The following PKP2 variants were observed in gnomAD, a reference collection of about 807,000 sequenced individuals.
PKP2 encodes the protein plakophilin-2.
Under a neutral mutation model 83.4 loss-of-function variants are expected in PKP2, and 73 were observed. The ratio of observed to expected loss-of-function variants is 0.88; its 90% CI spans 0.72 to 1.06. PKP2 has a LOEUF of 1.06. Among genes scored for constraint, PKP2 ranks in the 50% least tolerant of loss-of-function variants. The pLI, the probability that PKP2 is intolerant of heterozygous loss-of-function variation, is 0.00. For synonymous variants in PKP2, 409 were observed against 430.4 expected (o/e 0.95, Z 0.62); for missense variants, 966 against 1,065.4 (o/e 0.91, Z 1.30).
chr12:32,822,336 T>C, intron 8 of PKP2, 131 bp downstream of exon 8: 1 of 768,930 alleles, frequency 1.3e-6, no homozygotes, highest in Non-Finnish European at 2.2e-6. Context: ...CTTCAAAAGG[T>C]TGATGTAAGA....
chr12:32,877,359 A>C (rs906529991), intron 3 of PKP2, among the ~76,000 whole-genome samples: 2 of 152,232 alleles, frequency 1.3e-5, no homozygotes, highest in Non-Finnish European at 2.9e-5. Context: ...TAGAAATCTA[A>C]AAGGTACCAA....
intron 4 of PKP2, among the ~76,000 whole-genome samples, chr12:32,862,158 A>AT (rs1956805195): frequency 6.6e-6 from 1 of 152,092 alleles, no homozygotes; most frequent in Non-Finnish European, 1.5e-5. Flanking sequence ...CAGTCCTCCA[A>AT]AGGGCTGGGA....
intron 1 of PKP2, among the ~76,000 whole-genome samples, chr12:32,884,728 A>T (rs1434194994): frequency 2.0e-5 from 3 of 151,968 alleles, no homozygotes; most frequent in African/African-American, 7.2e-5. Flanking sequence ...GAATTAGTCT[A>T]TTCTAATAAC....
intron 4 of PKP2, among the ~76,000 whole-genome samples, chr12:32,867,489 C>T (rs1466051947): frequency 6.6e-6 from 1 of 152,032 alleles, no homozygotes; most frequent in Non-Finnish European, 1.5e-5. Flanking sequence ...TCAAACCTGT[C>T]AAAACTATGT....
chr12:32,877,264 T>C (rs879799115), intron 3 of PKP2, among the ~76,000 whole-genome samples: 6 of 151,988 alleles, frequency 3.9e-5, no homozygotes, highest in Admixed American at 3.9e-4. Context: ...ATAAAGTAAA[T>C]AGGAATGGAA....
chr12:32,841,330 G>A lies in PKP2; in HGVS notation c.1379-125C>T, dbSNP rs546566310. 18 of 740,856 alleles carry A rather than the reference G, an allele frequency of 2.4e-5. No individual in the cohort carries two copies. In the East Asian group the frequency reaches 4.2e-4, roughly 17 times the overall value. The allele number at this position is 740,856 out of a possible 1,614,324, so 45.9% of individuals were successfully genotyped here. On this transcript the variant is annotated intron_variant, in intron 5 of 12. Coordinates refer to ENST00000340811, the MANE Select transcript of PKP2 (RefSeq NM_001005242.3). ...TCATAAAAAAATTTGGGGGGTTGGG[G>A]GGCCAGCCTCTTTCTCAACTAGAAG...
At chr12:32,833,775 A>G (rs1247587909) in intron 6 of PKP2, among the ~76,000 whole-genome samples, 1 of 152,210 alleles carries the variant, frequency 6.6e-6, no homozygotes, top group Non-Finnish European at 1.5e-5. Context: ...ACCAGCATAC[A>G]CAGGCATAAA....
intron 1 of PKP2, among the ~76,000 whole-genome samples, chr12:32,895,754 G>A (rs1957117116): frequency 1.3e-5 from 2 of 152,306 alleles, no homozygotes; most frequent in African/African-American, 2.4e-5. Flanking sequence ...GTGCATGTGT[G>A]TGCTTACACC....
At chr12:32,810,684 T>TCAGCTGGGAGATGAGCAGAACAGTTG (rs1293434830) in intron 9 of PKP2, among the ~76,000 whole-genome samples, 6 of 5,966 alleles carry the variant, frequency 1.0e-3, no homozygotes, top group South Asian at 0.011. Context: ...CATTTTTTTT[T>TCAGCTGGGAGATGAGCAGAACAGTTG]TTTTTTTTTT....
intron 5 of PKP2, among the ~76,000 whole-genome samples, chr12:32,850,311 T>A (rs1027388145): frequency 1.3e-5 from 2 of 152,234 alleles, no homozygotes; most frequent in African/African-American, 4.8e-5. Context: ...CCCAGCACTT[T>A]GGGAGGCCGA....
At chr12:32,806,907 T>C (rs1444604265) in intron 9 of PKP2, among the ~76,000 whole-genome samples, 1 of 152,216 alleles carries the variant, frequency 6.6e-6, no homozygotes, top group Non-Finnish European at 1.5e-5. Flanking sequence ...ACACTGTCTC[T>C]TTGTTCTCAT....
intron 1 of PKP2, 54 bp from the exon 2 acceptor site, chr12:32,879,086 T>G (rs1197359721): frequency 4.4e-6 from 4 of 916,600 alleles, no homozygotes; most frequent in Non-Finnish European, 7.3e-6. Context: ...CTAATTAATA[T>G]TTACAGACTG....
At position 32,855,773 on chromosome 12, in the gene PKP2, C is replaced by CAAAAAAAAAAAAAAAAA. The variant is rs11431590; in HGVS notation, c.1171-4817_1171-4801dup. On this transcript the variant is annotated intron_variant, in intron 4 of 12. Transcript: ENST00000340811. ...CCTGGGCGACAGAGAGACTCCATCT[C>CAAAAAAAAAAAAAAAAA]AAAAAAAAAAAAAAAAAAAAAAGGA... is the stretch of plus-strand genomic sequence containing the variant. Among the ~76,000 whole-genome samples the CAAAAAAAAAAAAAAAAA allele has an allele frequency of 1.6e-3, 76 of 46,818 alleles. 2 individuals carry two copies. The highest frequency in any genetic ancestry group is 7.8e-3 in the African/African-American group (73 of 9,406). The allele number at this position is 46,818 out of a possible 152,430, so 30.7% of individuals were successfully genotyped here.
intron 5 of PKP2, among the ~76,000 whole-genome samples, chr12:32,842,112 A>T (rs1457036256): frequency 1.3e-5 from 2 of 152,204 alleles, no homozygotes; most frequent in African/African-American, 4.8e-5. Flanking sequence ...AAAGTGGCAT[A>T]TACGTTTAGG....
At chr12:32,840,415 A>G (rs1956578926) in intron 6 of PKP2, among the ~76,000 whole-genome samples, 1 of 152,126 alleles carries the variant, frequency 6.6e-6, no homozygotes, top group African/African-American at 2.4e-5. Flanking sequence ...TCTCTGTCCC[A>G]GCCTCCTGAG....
chr12:32,840,907 C>T (rs1956584387), intron 6 of PKP2, 121 bp downstream of exon 6: 18 of 756,952 alleles, frequency 2.4e-5, no homozygotes, highest in Non-Finnish European at 4.6e-6. Flanking sequence ...ATAAAATAAA[C>T]AAACCATCAA....
At chr12:32,801,673 C>T (rs550138702) in intron 10 of PKP2, among the ~76,000 whole-genome samples, 34 of 152,098 alleles carry the variant, frequency 2.2e-4, no homozygotes, top group Non-Finnish European at 4.3e-4. Context: ...TTAGAAACGA[C>T]CGATTACAGA....
Position 32,802,428 on chromosome 12 carries a change from C to T in PKP2, c.2142G>A (p.Arg714=). Residue 714 remains arginine (R), a synonymous_variant, in exon 10 of 13, where the codon CGG becomes CGA. Transcript: ENST00000340811. ...TAISLLRNLS[R]NLSLQNEIAK... is the part of the protein sequence containing the mutation. Reference sequence around the variant, plus strand: ...CAATTTCATTCTGCAGAGAAAGATTCCGGGACAGATTCCTCAGCAGCGAGA... The same window carrying T: ...CAATTTCATTCTGCAGAGAAAGATTTCGGGACAGATTCCTCAGCAGCGAGA... The T allele has an allele frequency of 6.2e-7, 1 of 1,614,070 alleles. No homozygotes were observed.
intron 9 of PKP2, among the ~76,000 whole-genome samples, chr12:32,818,112 C>T (rs975276792): frequency 2.6e-5 from 4 of 152,066 alleles, no homozygotes; most frequent in African/African-American, 7.2e-5. Flanking sequence ...GGTTGGGGGC[C>T]GCTGAGGGAA....
Sources: allele counts gnomAD v4.1 joint callset (sites outside exome capture counted in the v4.1 genomes callset), GRCh38; gene constraint gnomAD v4.1.1; transcripts MANE v1.5; gene names NCBI Gene and HGNC (gene_info 2026-07-23, HGNC 2026-07-21).